PTPRG: variants seen among roughly 807,000 people sequenced by gnomAD.
PTPRG encodes receptor-type tyrosine-protein phosphatase gamma.
In PTPRG, 102 loss-of-function variants were observed where a neutral mutation model predicts 165.3. That is an observed-to-expected ratio of 0.62 (90% confidence interval 0.53 to 0.73). The LOEUF (loss-of-function observed/expected upper bound fraction) is 0.73, where lower values mean the gene tolerates loss of function less well. PTPRG is among the 30% of genes least tolerant of loss of function. The pLI is 0.00. For synonymous variants in PTPRG, 675 were observed against 669.5 expected (o/e 1.01, Z -0.13); for missense variants, 1,866 against 1,861.4 (o/e 1.00, Z -0.05).
intron 2 of PTPRG, among the ~76,000 whole-genome samples, chr3:61,867,754 G>A (rs1261933984): frequency 6.6e-6 from 1 of 152,148 alleles, no homozygotes; most frequent in Non-Finnish European, 1.5e-5. Flanking sequence ...AGTTAGCAAT[G>A]CAGTTTCAGA....
chr3:62,063,201 C>G (rs1445807149), intron 4 of PTPRG, among the ~76,000 whole-genome samples: 1 of 152,220 alleles, frequency 6.6e-6, no homozygotes, highest in East Asian at 1.9e-4. Context: ...CTTTTCCACT[C>G]CATCATATGT....
intron 4 of PTPRG, among the ~76,000 whole-genome samples, chr3:62,052,457 A>G (rs560633872): frequency 6.6e-6 from 1 of 152,322 alleles, no homozygotes; most frequent in Non-Finnish European, 1.5e-5. Context: ...TGCTTTGGGA[A>G]GCCAAGGCAG....
intron 2 of PTPRG, among the ~76,000 whole-genome samples, chr3:61,867,017 G>T (rs2037431220): frequency 6.6e-6 from 1 of 152,152 alleles, no homozygotes; most frequent in African/African-American, 2.4e-5. Flanking sequence ...TGTTGGCGGG[G>T]TAGAACATCA....
At chr3:61,700,265 T>C (rs2030880298) in intron 1 of PTPRG, among the ~76,000 whole-genome samples, 1 of 152,160 alleles carries the variant, frequency 6.6e-6, no homozygotes, top group Non-Finnish European at 1.5e-5. Flanking sequence ...TATGTGAGAT[T>C]TTTCTCATAA....
chr3:62,200,887 G>C (rs901206936), intron 10 of PTPRG, among the ~76,000 whole-genome samples: 1 of 152,180 alleles, frequency 6.6e-6, no homozygotes, highest in African/African-American at 2.4e-5. Context: ...AAGGTAAACA[G>C]TAATAAGTTA....
At chr3:62,103,596 A>G (rs996687066) in intron 5 of PTPRG, among the ~76,000 whole-genome samples, 2 of 152,210 alleles carry the variant, frequency 1.3e-5, no homozygotes, top group African/African-American at 2.4e-5. Flanking sequence ...TTTCAAGCCT[A>G]TGATGCCTTC....
chr3:62,053,018 C>T (rs1485423920), intron 4 of PTPRG, among the ~76,000 whole-genome samples: 2 of 152,136 alleles, frequency 1.3e-5, no homozygotes, highest in Admixed American at 6.5e-5. Flanking sequence ...TTTCTTAGAT[C>T]ACAGAGTCTC....
At chr3:61,575,598 C>CTTTTTTT in intron 1 of PTPRG, among the ~76,000 whole-genome samples, 1 of 117,302 alleles carries the variant, frequency 8.5e-6, no homozygotes, top group African/African-American at 3.4e-5. Flanking sequence ...GCACACAGAA[C>CTTTTTTT]TTTTTTTTTT....
At chr3:61,845,436 T>G (rs1444561547) in intron 2 of PTPRG, among the ~76,000 whole-genome samples, 1 of 152,212 alleles carries the variant, frequency 6.6e-6, no homozygotes, top group Non-Finnish European at 1.5e-5. Context: ...GGCAAATGTT[T>G]CCACTGGGAA....
At chr3:61,731,983 A>G (rs1468259253) in intron 1 of PTPRG, among the ~76,000 whole-genome samples, 4 of 151,316 alleles carry the variant, frequency 2.6e-5, no homozygotes, top group Admixed American at 6.6e-5. Context: ...TGTATTTTCA[A>G]TAGAGACGGG....
At chr3:62,097,016 T>C (rs1361432988) in intron 5 of PTPRG, among the ~76,000 whole-genome samples, 2 of 152,142 alleles carry the variant, frequency 1.3e-5, no homozygotes, top group African/African-American at 4.8e-5. Flanking sequence ...AAAGTGAAAT[T>C]ATGGGCCAAG....
At position 62,130,701 on chromosome 3, in the gene PTPRG, G is replaced by A. The variant is rs561269518; in HGVS notation, c.616-1901G>A. On this transcript the variant is annotated intron_variant, in intron 5 of 29. Coordinates refer to ENST00000474889, the MANE Select transcript of PTPRG (RefSeq NM_002841.4). ...AGGTTCTCTTCTCTTGCATTCCTGAGCTGTAATTCCATTTTTGACCAGGTT... is the reference window on the plus strand; with the variant it reads ...AGGTTCTCTTCTCTTGCATTCCTGAACTGTAATTCCATTTTTGACCAGGTT... Among the ~76,000 whole-genome samples the A allele has an allele frequency of 2.6e-5, 4 of 152,120 alleles. No homozygotes were observed. The East Asian group carries it at 7.7e-4, about 29-fold the overall frequency.
intron 1 of PTPRG, among the ~76,000 whole-genome samples, chr3:61,732,355 A>T (rs2032535076): frequency 6.6e-6 from 1 of 152,118 alleles, no homozygotes; most frequent in Non-Finnish European, 1.5e-5. Context: ...AGGTGGGCGG[A>T]TCACGAGGTC....
intron 2 of PTPRG, among the ~76,000 whole-genome samples, chr3:61,938,970 C>G (rs536427561): frequency 2.6e-5 from 4 of 152,280 alleles, no homozygotes; most frequent in African/African-American, 9.6e-5. Context: ...AAAGTAGATT[C>G]AGACATCAAT....
intron 4 of PTPRG, among the ~76,000 whole-genome samples, chr3:62,061,215 G>T (rs1030193415): frequency 2.0e-5 from 3 of 152,170 alleles, no homozygotes; most frequent in Non-Finnish European, 2.9e-5. Context: ...TCTGAAATTT[G>T]GGAATTACAA....
intron 1 of PTPRG, among the ~76,000 whole-genome samples, chr3:61,616,573 A>G (rs1575540187): frequency 6.6e-6 from 1 of 151,758 alleles, no homozygotes; most frequent in Non-Finnish European, 1.5e-5. Flanking sequence ...TCAAACACCA[A>G]CCTCCACGCC....
chr3:61,574,738 C>T (rs946433862), intron 1 of PTPRG, among the ~76,000 whole-genome samples: 7 of 152,148 alleles, frequency 4.6e-5, no homozygotes, highest in East Asian at 1.9e-4. Context: ...CTGGGAAGTT[C>T]GAGGGCACGG....
intron 2 of PTPRG, among the ~76,000 whole-genome samples, chr3:61,823,002 G>T (rs942232631): frequency 6.6e-6 from 1 of 152,166 alleles, no homozygotes; most frequent in African/African-American, 2.4e-5. Context: ...CTGACTGGGG[G>T]CCAACATCCC....
At chr3:62,080,254 T>G (rs555419897) in intron 5 of PTPRG, among the ~76,000 whole-genome samples, 14 of 151,686 alleles carry the variant, frequency 9.2e-5, no homozygotes, top group African/African-American at 2.7e-4. Flanking sequence ...TTTTGTATTT[T>G]TAGTAGAGGC....
Sources: allele counts gnomAD v4.1 joint callset (sites outside exome capture counted in the v4.1 genomes callset), GRCh38; gene constraint gnomAD v4.1.1; transcripts MANE v1.5; gene names NCBI Gene and HGNC (gene_info 2026-07-23, HGNC 2026-07-21).